The following MUSK variants were observed in gnomAD, a reference collection of about 807,000 sequenced individuals.
The protein encoded by MUSK is muscle associated receptor tyrosine kinase.
MUSK carries 55 observed loss-of-function variants against 88.7 expected under a neutral mutation model. That is an observed-to-expected ratio of 0.62 (90% CI 0.50 to 0.78). The LOEUF is 0.78. Among genes scored for constraint, MUSK ranks in the 30% least tolerant of loss-of-function variants. The probability of loss-of-function intolerance (pLI) is 0.00; values close to 1 mark genes in which losing one functional copy is unlikely to be tolerated. For missense variants in MUSK, 1,015 were observed against 1,074.3 expected, an observed-to-expected ratio of 0.94 and a Z score of 0.77; for synonymous variants, 387 against 391.9, an observed-to-expected ratio of 0.99 and a Z score of 0.15.
At chr9:110,752,547 T>G (rs2077261162) in intron 7 of MUSK, among the ~76,000 whole-genome samples, 1 of 152,384 alleles carries the variant, frequency 6.6e-6, no homozygotes, top group African/African-American at 2.4e-5. Context: ...TGCCAAACTC[T>G]GCTGTCTCAT....
chr9:110,765,094 T>C (rs1475215578), intron 8 of MUSK, among the ~76,000 whole-genome samples: 1 of 152,220 alleles, frequency 6.6e-6, no homozygotes, highest in Non-Finnish European at 1.5e-5. Flanking sequence ...TAAAAAAGTG[T>C]GTTTTGATGT....
intron 13 of MUSK, among the ~76,000 whole-genome samples, chr9:110,786,267 C>T (rs923314976): frequency 1.6e-4 from 24 of 147,168 alleles, no homozygotes; most frequent in African/African-American, 4.8e-4. Flanking sequence ...GCCAAGATCG[C>T]GCCACTGCAC....
chr9:110,775,737 G>A (rs751899345), intron 9 of MUSK, 51 bp from the exon 10 acceptor site: 6 of 1,534,082 alleles, frequency 3.9e-6, no homozygotes, highest in South Asian at 2.2e-5. Flanking sequence ...CCACAAATTT[G>A]CTTTAACATG....
Position 110,668,880 on chromosome 9 carries a change from C to A in MUSK, c.-25C>A. The A allele has an allele frequency of 6.3e-7, 1 of 1,595,702 alleles. No individual in the cohort carries two copies. The highest frequency in any genetic ancestry group is 8.6e-7 in the Non-Finnish European group (1 of 1,163,424). On this transcript the variant is annotated 5_prime_UTR_variant, in exon 1 of 15. Transcript: ENST00000374448. ...TCCTTGCGTTGTCCAGAAGGAACTT[C>A]GTCCTGCGTGAGCCTGGATTAATCA... is the stretch of plus-strand genomic sequence containing the variant.
intron 5 of MUSK, among the ~76,000 whole-genome samples, chr9:110,722,106 G>A (rs2076820023): frequency 6.6e-6 from 1 of 152,116 alleles, no homozygotes; most frequent in Non-Finnish European, 1.5e-5. Context: ...ATAGATCAAG[G>A]ACTTAAATTG....
intron 2 of MUSK, 69 bp from the exon 3 acceptor site, chr9:110,687,048 G>C: frequency 6.6e-7 from 1 of 1,511,926 alleles, no homozygotes. Context: ...TCATCGGTTT[G>C]ATACATTAAT....
chr9:110,695,251 G>C (rs1284573279), intron 3 of MUSK, among the ~76,000 whole-genome samples, 152 bp from the exon 4 acceptor site: 2 of 152,120 alleles, frequency 1.3e-5, no homozygotes. Flanking sequence ...GATCTACTGA[G>C]GAAAACTGTC....
chr9:110,695,676 A>T, intron 4 of MUSK, 146 bp downstream of exon 4: 1 of 684,410 alleles, frequency 1.5e-6, no homozygotes, highest in East Asian at 3.2e-5. Context: ...TTCTGTTTGC[A>T]TATATGCAAA....
At chr9:110,694,390 AAAAAAAAAAAAAAAAAC>A (rs1343503844) in intron 3 of MUSK, among the ~76,000 whole-genome samples, 2 of 143,444 alleles carry the variant, frequency 1.4e-5, no homozygotes, top group Non-Finnish European at 3.0e-5. Context: ...CGTCTCAAAA[AAAAAAAAAAAAAAAAAC>A]AAAAAAACAA....
At chr9:110,733,784 G>C (rs549439666) in intron 5 of MUSK, among the ~76,000 whole-genome samples, 1 of 152,036 alleles carries the variant, frequency 6.6e-6, no homozygotes, top group Non-Finnish European at 1.5e-5. Context: ...AATGGGAAAG[G>C]GGAATAATAG....
rs1249826201 is a variant in MUSK at position 110,714,786 on chromosome 9, A to G, written c.628+17320A>G. On this transcript the variant is annotated intron_variant, in intron 5 of 14. Coordinates refer to ENST00000374448, the MANE Select transcript of MUSK (RefSeq NM_005592.4). ...CACGTGTTTTTTAAGTCAAATATAA[A>G]AACAATTTAACCCATTTTGTTCTTT... 3.3e-5 allele frequency among the ~76,000 whole-genome samples: 5 copies of G among 152,168 alleles called. No individual in the cohort carries two copies. The South Asian group carries it at 6.2e-4, about 19-fold the overall frequency.
rs573905296 is a variant in MUSK at position 110,700,863 on chromosome 9, TAG to T, written c.628+3400_628+3401del. On this transcript the variant is annotated intron_variant, in intron 5 of 14. Coordinates refer to ENST00000374448, the MANE Select transcript of MUSK (RefSeq NM_005592.4). ...CCTGTTGTCCTGGAATCATTATTAA[TAG>T]AGTCTCTCTTTTACTTTCAGAAGTA... Among the ~76,000 whole-genome samples, 67 of 152,292 alleles carry T rather than the reference TAG, an allele frequency of 4.4e-4. No individual in the cohort carries two copies. In the South Asian group the frequency reaches 9.5e-3, roughly 22 times the overall value.
At chr9:110,736,304 T>C (rs1181690978) in intron 6 of MUSK, among the ~76,000 whole-genome samples, 1 of 152,056 alleles carries the variant, frequency 6.6e-6, no homozygotes, top group East Asian at 1.9e-4. Context: ...TAAGAAACAT[T>C]TTAAACAGAA....
rs144011446 is a variant in MUSK, at chr9:110,711,470, C to G, written c.628+14004C>G. ...TGCAGGTTGTAAGGGAGGTCACTTT[C>G]ATGGCAGGCCAAGATCCTTGAGATG... On this transcript the variant is annotated intron_variant, in intron 5 of 14. Coordinates refer to ENST00000374448, the MANE Select transcript of MUSK (RefSeq NM_005592.4). Among the ~76,000 whole-genome samples the G allele has an allele frequency of 1.4e-3, 218 of 152,258 alleles. 2 individuals are homozygous for G. Among genetic ancestry groups the G allele is most frequent in the African/African-American group, 4.9e-3 (202 of 41,552 alleles).
chr9:110,764,523 GGTTGAAAC>G (rs1338702158), intron 8 of MUSK, among the ~76,000 whole-genome samples: 10 of 151,874 alleles, frequency 6.6e-5, no homozygotes, highest in African/African-American at 2.4e-4. Context: ...AAAAGGAAGT[GGTTGAAAC>G]ACTGAAACTA....
rs1168267241 is a variant in MUSK at position 110,802,908 on chromosome 9, T to C, written c.*1920T>C. Among the ~76,000 whole-genome samples the C allele has an allele frequency of 3.3e-5, 5 of 152,306 alleles. No homozygotes were observed. Among genetic ancestry groups the C allele is most frequent in the East Asian group, 3.9e-4 (2 of 5,182 alleles). On this transcript the variant is annotated 3_prime_UTR_variant, in exon 15 of 15. Transcript: ENST00000374448. ...AAAAATCATGAGTCTAAGTCCAAAA[T>C]TGATACTGTAATCCAAATGACTGAA...
chr9:110,790,151 G>C lies in MUSK; in HGVS notation c.1927+2313G>C, dbSNP rs2077948153. Reference sequence around the variant, plus strand: ...AATGAAGTATTTTAAATAGGTGAAAGTGAGCATGTCATATGCATTAAGTCA... The same window carrying C: ...AATGAAGTATTTTAAATAGGTGAAACTGAGCATGTCATATGCATTAAGTCA... On this transcript the variant is annotated intron_variant, in intron 14 of 14. Coordinates refer to ENST00000374448, the MANE Select transcript of MUSK (RefSeq NM_005592.4). 3.3e-5 allele frequency among the ~76,000 whole-genome samples: 5 copies of C among 152,196 alleles called. No homozygotes were observed. In the South Asian group the frequency reaches 1.0e-3, roughly 32 times the overall value.
chr9:110,751,857 T>A (rs1385837187), intron 7 of MUSK, among the ~76,000 whole-genome samples: 1 of 152,172 alleles, frequency 6.6e-6, no homozygotes, highest in Non-Finnish European at 1.5e-5. Flanking sequence ...AGAATCATAG[T>A]GCTGCACGAT....
rs1229194109 is a variant in MUSK at position 110,801,031 on chromosome 9, C to G, written c.*43C>G. On this transcript the variant is annotated 3_prime_UTR_variant, in exon 15 of 15. Transcript: ENST00000374448. ...TAAAATGCTGCAGTTTCCTCTCAGA[C>G]TCTGTGAGCCAGGGGAATCCTACAC... 6.9e-7 allele frequency: 1 copy of G among 1,453,052 alleles called. No individual in the cohort carries two copies. The highest frequency in any genetic ancestry group is 1.4e-5 in the African/African-American group (1 of 70,856). 90.0% of individuals were successfully genotyped at this position (1,453,052 alleles called of 1,614,324 possible). A position where few individuals can be genotyped will look rare whatever the true frequency, so the allele number is the denominator to read the frequency against.
Sources: allele counts gnomAD v4.1 joint callset (sites outside exome capture counted in the v4.1 genomes callset), GRCh38; gene constraint gnomAD v4.1.1; transcripts MANE v1.5; gene names NCBI Gene and HGNC (gene_info 2026-07-23, HGNC 2026-07-21).